Variants in TBC1D5 observed in about 807,000 individuals in gnomAD.
The protein encoded by TBC1D5 is TBC1 domain family, member 5.
TBC1D5 carries 75 observed loss-of-function variants against 100.3 expected under a neutral mutation model. The ratio of observed to expected loss-of-function variants is 0.75; its 90% CI spans 0.62 to 0.91. TBC1D5 has a LOEUF of 0.91. Ranked by LOEUF, TBC1D5 falls within the 40% of genes least tolerant of loss-of-function variation. TBC1D5 has a pLI of 0.00. For synonymous variants in TBC1D5, 323 were observed against 325.6 expected (o/e 0.99, Z 0.09); for missense variants, 910 against 942.4 (o/e 0.97, Z 0.45).
intron 2 of TBC1D5, among the ~76,000 whole-genome samples, chr3:17,585,348 C>G (rs985523124): frequency 2.0e-5 from 3 of 152,192 alleles, no homozygotes; most frequent in Middle Eastern, 3.4e-3. Flanking sequence ...GATGCACATA[C>G]AATTTAGACA....
intron 2 of TBC1D5, among the ~76,000 whole-genome samples, chr3:17,597,839 A>C (rs2060670530): frequency 6.6e-6 from 1 of 152,212 alleles, no homozygotes; most frequent in African/African-American, 2.4e-5. Context: ...TGTATAATGT[A>C]AAACGAGAAT....
At chr3:17,546,862 TA>T (rs1193038616) in intron 2 of TBC1D5, among the ~76,000 whole-genome samples, 3 of 151,968 alleles carry the variant, frequency 2.0e-5, no homozygotes, top group African/African-American at 7.2e-5. Flanking sequence ...TCCAAGTAAA[TA>T]AATTTCACAT....
intron 1 of TBC1D5, among the ~76,000 whole-genome samples, chr3:17,687,671 T>C (rs2070506283): frequency 6.6e-6 from 1 of 152,152 alleles, no homozygotes; most frequent in Admixed American, 6.6e-5. Context: ...CCAAGAAGGC[T>C]ATGAGAATTG....
At chr3:17,214,785 G>A (rs1427374178) in intron 17 of TBC1D5, among the ~76,000 whole-genome samples, 8 of 151,914 alleles carry the variant, frequency 5.3e-5, no homozygotes, top group Non-Finnish European at 1.2e-4. Flanking sequence ...CAAATCTTTG[G>A]CCAAAGTTTT....
intron 3 of TBC1D5, among the ~76,000 whole-genome samples, chr3:17,439,621 A>G (rs1004742119): frequency 5.3e-5 from 8 of 152,240 alleles, no homozygotes; most frequent in African/African-American, 1.7e-4. Flanking sequence ...AAAATGTCTT[A>G]TTTTACAAAT....
In TBC1D5 at chr3:17,232,976, C is replaced by T. The variant is rs556476118; in HGVS notation, c.1588+5187G>A. ...CATTTAACACAGAAATCCTCTCTATCGCATATTTCATCTAAAAGACTGCAT... is the reference window on the plus strand; with the variant it reads ...CATTTAACACAGAAATCCTCTCTATTGCATATTTCATCTAAAAGACTGCAT... On this transcript the variant is annotated intron_variant, in intron 17 of 21. Coordinates refer to ENST00000253692, the Ensembl canonical transcript of TBC1D5. 3.5e-3 allele frequency among the ~76,000 whole-genome samples: 536 copies of T among 152,206 alleles called. 4 individuals are homozygous for T. The highest frequency in any genetic ancestry group is 0.012 in the African/African-American group (486 of 41,528).
At chr3:17,463,759 T>C (rs2095254269) in intron 3 of TBC1D5, among the ~76,000 whole-genome samples, 2 of 152,196 alleles carry the variant, frequency 1.3e-5, no homozygotes, top group South Asian at 2.1e-4. Context: ...GTTTCGGCCC[T>C]GAAACAAATA....
intron 3 of TBC1D5, among the ~76,000 whole-genome samples, chr3:17,454,634 G>A (rs902844242): frequency 6.6e-6 from 1 of 151,852 alleles, no homozygotes; most frequent in African/African-American, 2.4e-5. Flanking sequence ...TAATTTTTTT[G>A]TATTTTTAGT....
At chr3:17,481,141 G>A (rs899859133) in intron 3 of TBC1D5, among the ~76,000 whole-genome samples, 1 of 152,192 alleles carries the variant, frequency 6.6e-6, no homozygotes, top group Non-Finnish European at 1.5e-5. Flanking sequence ...AGATGTGGGT[G>A]CCCACAATGG....
intron 17 of TBC1D5, among the ~76,000 whole-genome samples, chr3:17,221,732 G>A (rs907771768): frequency 2.0e-5 from 3 of 152,176 alleles, no homozygotes; most frequent in African/African-American, 7.2e-5. Context: ...TGCCAACATA[G>A]CAAATAAACA....
intron 18 of TBC1D5, among the ~76,000 whole-genome samples, chr3:17,201,303 G>A (rs1375360434): frequency 6.6e-6 from 1 of 152,156 alleles, no homozygotes; most frequent in Non-Finnish European, 1.5e-5. Context: ...AGGGTGTGCT[G>A]CTTAGTGAAC....
chr3:17,734,581 T>A (rs564564333), intron 1 of TBC1D5, among the ~76,000 whole-genome samples: 1 of 152,250 alleles, frequency 6.6e-6, no homozygotes, highest in South Asian at 2.1e-4. Flanking sequence ...GTAAGATACC[T>A]AAAGGAAGAA....
chr3:17,491,165 C>A (rs2095635315), intron 3 of TBC1D5, among the ~76,000 whole-genome samples: 1 of 151,934 alleles, frequency 6.6e-6, no homozygotes, highest in Non-Finnish European at 1.5e-5. Context: ...GTTTTGTATC[C>A]CGAGACTTTG....
At chr3:17,385,339 T>G (rs1391023471) in intron 8 of TBC1D5, among the ~76,000 whole-genome samples, 1 of 152,030 alleles carries the variant, frequency 6.6e-6, no homozygotes, top group East Asian at 1.9e-4. Flanking sequence ...GAAGATGACC[T>G]AGAGCATGAA....
intron 16 of TBC1D5, 122 bp downstream of exon 16, chr3:17,258,382 CAA>C (rs1207426191): frequency 1.1e-6 from 1 of 888,148 alleles, no homozygotes; most frequent in African/African-American, 1.7e-5. Flanking sequence ...ATTTATTTAA[CAA>C]AGATTCCTTA....
chr3:17,369,137 C>T (rs1035614932), intron 13 of TBC1D5, among the ~76,000 whole-genome samples: 4 of 152,020 alleles, frequency 2.6e-5, no homozygotes, highest in African/African-American at 9.7e-5. Flanking sequence ...AAGTTTACTC[C>T]CAACTTCTAT....
chr3:17,705,378 G>A (rs1275782189), intron 1 of TBC1D5, among the ~76,000 whole-genome samples: 1 of 134,942 alleles, frequency 7.4e-6, no homozygotes, highest in Non-Finnish European at 1.6e-5. Flanking sequence ...GGACGGGGTG[G>A]CTGCCGGGCG....
intron 3 of TBC1D5, among the ~76,000 whole-genome samples, chr3:17,472,852 A>G (rs771429386): frequency 5.9e-5 from 9 of 152,248 alleles, no homozygotes; most frequent in Non-Finnish European, 1.2e-4. Context: ...GACAGCTAGT[A>G]CTGAATATCT....
chr3:17,689,724 A>G (rs1353101811), intron 1 of TBC1D5, among the ~76,000 whole-genome samples: 3 of 152,198 alleles, frequency 2.0e-5, no homozygotes, highest in Admixed American at 6.5e-5. Flanking sequence ...GTAGTTGTCA[A>G]CTATGGAAGA....
Sources: gnomAD v4.1 joint callset for allele counts (sites outside exome capture counted in the v4.1 genomes callset) on GRCh38, gnomAD v4.1.1 for gene constraint, MANE v1.5 for transcripts, NCBI Gene and HGNC (gene_info 2026-07-23, HGNC 2026-07-21) for gene names.